The following ADAM19 variants were observed in gnomAD, a reference collection of about 807,000 sequenced individuals.
ADAM19 encodes ADAM metallopeptidase domain 19.
Under a neutral mutation model 114.7 loss-of-function variants are expected in ADAM19, and 65 were observed. The observed-to-expected ratio is 0.57, with a 90% CI of 0.46 to 0.70. The LOEUF (loss-of-function observed/expected upper bound fraction) is 0.70, where lower values mean the gene tolerates loss of function less well. Among genes scored for constraint, ADAM19 ranks in the 30% least tolerant of loss-of-function variants. ADAM19 has a pLI of 0.00. For synonymous variants in ADAM19, 466 were observed against 460.5 expected (o/e 1.01, Z -0.15); for missense variants, 1,063 against 1,204.7 (o/e 0.88, Z 1.74).
intron 12 of ADAM19, among the ~76,000 whole-genome samples, chr5:157,501,758 G>C (rs1371449994): frequency 4.6e-5 from 7 of 151,704 alleles, no homozygotes; most frequent in African/African-American, 1.4e-4. Flanking sequence ...TCACATCACA[G>C]AGGTCACAGG....
chr5:157,520,310 ATCGTGAGAC>A (rs1340549336), intron 5 of ADAM19, among the ~76,000 whole-genome samples: 1 of 126,312 alleles, frequency 7.9e-6, no homozygotes, highest in Non-Finnish European at 1.6e-5. Flanking sequence ...CACCAAGCTC[ATCGTGAGAC>A]TCCAGGTTAA....
chr5:157,575,644 T>A lies in ADAM19; in HGVS notation c.53A>T (p.Gln18Leu). 1 of 1,427,668 alleles carries A rather than the reference T, an allele frequency of 7.0e-7. No individual in the cohort carries two copies. The allele number at this position is 1,427,668 out of a possible 1,614,324, so 88.4% of individuals were successfully genotyped here. A position where few individuals can be genotyped will look rare whatever the true frequency, so the allele number is the denominator to read the frequency against. Residue 18 changes from glutamine (Q) to leucine (L), a missense_variant, in exon 1 of 23, where the codon CAG becomes CTG. Physicochemically the swap from Gln to Leu is moderately radical, Grantham distance 113 (BLOSUM62 -2). Transcript: ENST00000257527. ...ARLCLLAFAL[Q>L]PLRPRAAREP... ...CCGCGCCGCCCGCGGCCGGAGGGGC[T>A]GCAGGGCAAACGCCAGCAAGCAGAG...
intron 2 of ADAM19, among the ~76,000 whole-genome samples, chr5:157,565,141 G>T (rs1757622850): frequency 6.6e-6 from 1 of 152,154 alleles, no homozygotes; most frequent in African/African-American, 2.4e-5. Context: ...GTGGCCACAG[G>T]TGCTACATAT....
rs749665054 is a variant in ADAM19 at position 157,502,803 on chromosome 5, CTCT to C, written c.1305_1307del (p.Glu437del). On this transcript the variant is annotated inframe_deletion and splice_region_variant, in exon 12 of 23. Coordinates refer to ENST00000257527, the MANE Select transcript of ADAM19 (RefSeq NM_033274.5). ...CACTAGCACCATTGTGACCCCTCAC[CTCT>C]TCTTCTCCACAGTCACACTCTTCCC... 1.9e-6 allele frequency: 3 copies of C among 1,613,688 alleles called. No homozygotes were observed. The highest frequency in any genetic ancestry group is 1.7e-6 in the Non-Finnish European group (2 of 1,179,692).
rs1755727472 is a variant in ADAM19 at position 157,505,874 on chromosome 5, C to T, written c.991-66G>A. On this transcript the variant is annotated intron_variant, in intron 10 of 22. Transcript: ENST00000257527. ...GATCTGCCTCTGCCCCCCATCCCTG[C>T]CTTATCCTTAGCCAAGTCTTGCAGG... 3.2e-6 allele frequency: 5 copies of T among 1,545,096 alleles called. No individual in the cohort carries two copies. The South Asian group carries it at 6.0e-5, about 19-fold the overall frequency.
intron 3 of ADAM19, among the ~76,000 whole-genome samples, chr5:157,543,814 C>G (rs534836352): frequency 6.6e-5 from 10 of 152,070 alleles, no homozygotes; most frequent in Admixed American, 6.5e-4. Context: ...CCAGGACAGA[C>G]AGGTACTGGA....
In ADAM19 at chr5:157,498,402, G is replaced by A. The variant is rs562626020; in HGVS notation, c.1398+1171C>T. Among the ~76,000 whole-genome samples, 31 of 152,302 alleles carry A rather than the reference G, an allele frequency of 2.0e-4. 1 individual carries two copies. The East Asian group carries it at 5.4e-3, about 27-fold the overall frequency. On this transcript the variant is annotated intron_variant, in intron 13 of 22. Transcript: ENST00000257527. Reference sequence around the variant, plus strand: ...ACATCCCAGCTCCTTAACCGGCAGCGGGGCCTTGGGCACCTGCTGTGTAAC... The same window carrying A: ...ACATCCCAGCTCCTTAACCGGCAGCAGGGCCTTGGGCACCTGCTGTGTAAC...
intron 21 of ADAM19, among the ~76,000 whole-genome samples, chr5:157,487,831 C>G (rs1168677036): frequency 6.6e-6 from 1 of 152,060 alleles, no homozygotes; most frequent in Non-Finnish European, 1.5e-5. Context: ...CCATCAACCT[C>G]AGAATTGAGG....
chr5:157,481,464 G>A, intron 22 of ADAM19: 1 of 810,594 alleles, frequency 1.2e-6, no homozygotes, highest in Non-Finnish European at 1.9e-6. Context: ...AACCTGATGG[G>A]GCTGGTACTA....
At position 157,499,437 on chromosome 5, in the gene ADAM19, G is replaced by A. The variant is rs185885141; in HGVS notation, c.1398+136C>T. The stretch of plus-strand genomic sequence containing the variant: ...AAATTTTATTCAAGGCACCTTTTCC[G>A]CTCTGTGTTTCTGAAACTCTGTTGC... On this transcript the variant is annotated intron_variant, in intron 13 of 22. Transcript: ENST00000257527. 119 of 757,334 alleles carry A rather than the reference G, an allele frequency of 1.6e-4. 1 individual carries two copies. The highest frequency in any genetic ancestry group is 1.3e-3 in the African/African-American group (74 of 57,662). 46.9% of individuals were successfully genotyped at this position (757,334 alleles called of 1,614,324 possible). A position where few individuals can be genotyped will look rare whatever the true frequency, so the allele number is the denominator to read the frequency against.
rs2113679161 is a variant in ADAM19 at position 157,480,112 on chromosome 5, G to C, written c.*837C>G. ...GACTGCTGAGGGTTTGCTCACCAAA[G>C]CACCACACATTAGAGGGAGAATGAG... On this transcript the variant is annotated 3_prime_UTR_variant, in exon 23 of 23. Coordinates refer to ENST00000257527, the MANE Select transcript of ADAM19 (RefSeq NM_033274.5). 1 of 985,946 alleles carries C rather than the reference G, an allele frequency of 1.0e-6. No individual in the cohort carries two copies. Among genetic ancestry groups the C allele is most frequent in the South Asian group, 4.7e-5 (1 of 21,290 alleles). The allele number at this position is 985,946 out of a possible 1,614,324, so 61.1% of individuals were successfully genotyped here.
rs79025446 is a variant in ADAM19 at position 157,493,114 on chromosome 5, C to T, written c.1767G>A (p.Ala589=). Residue 589 remains alanine, a synonymous_variant, in exon 16 of 23, where the codon GCG becomes GCA. Transcript: ENST00000257527. ...TGATGATAGTGGTGTCAATGGGCAC[C>T]GCGTTGGACTCCAGGGGCCGGGCCT... ...SSEARPLESN[A]VPIDTTIIMN... The T allele has an allele frequency of 1.4e-5, 23 of 1,614,088 alleles. No homozygotes were observed. The highest frequency in any genetic ancestry group is 1.6e-4 in the Middle Eastern group (1 of 6,084).
At chr5:157,484,153 A>T (rs1254426245) in intron 21 of ADAM19, among the ~76,000 whole-genome samples, 1 of 152,036 alleles carries the variant, frequency 6.6e-6, no homozygotes, top group Non-Finnish European at 1.5e-5. Flanking sequence ...TTAAAATTAC[A>T]ACAGCCCCCA....
chr5:157,489,356 A>C (rs1287707879), intron 19 of ADAM19, among the ~76,000 whole-genome samples, 170 bp from the exon 20 acceptor site: 1 of 152,072 alleles, frequency 6.6e-6, no homozygotes, highest in Admixed American at 6.6e-5. Context: ...AAGTAGAAAA[A>C]CGTGTGGCCA....
At chr5:157,569,820 C>A (rs886467947) in intron 2 of ADAM19, among the ~76,000 whole-genome samples, 1 of 152,188 alleles carries the variant, frequency 6.6e-6, no homozygotes, top group Non-Finnish European at 1.5e-5. Context: ...CTCTCCCCAG[C>A]TTTCTTTTCT....
At chr5:157,542,259 GTTT>G (rs11327769) in intron 3 of ADAM19, among the ~76,000 whole-genome samples, 4 of 145,592 alleles carry the variant, frequency 2.7e-5, no homozygotes, top group Non-Finnish European at 6.0e-5. Flanking sequence ...ATTTTTAATA[GTTT>G]TTTTTTTTTC....
At chr5:157,520,513 C>G (rs983244230) in intron 5 of ADAM19, among the ~76,000 whole-genome samples, 2 of 152,208 alleles carry the variant, frequency 1.3e-5, no homozygotes, top group African/African-American at 2.4e-5. Flanking sequence ...AGAGAAAGAA[C>G]AGTGGCCTGC....
At chr5:157,571,116 T>TA (rs1237091236) in intron 1 of ADAM19, 136 bp from the exon 2 acceptor site, 1 of 660,018 alleles carries the variant, frequency 1.5e-6, no homozygotes, top group East Asian at 2.6e-5. Flanking sequence ...TGGCACTTCC[T>TA]AGGAACTAGG....
intron 8 of ADAM19, among the ~76,000 whole-genome samples, chr5:157,511,856 A>G (rs958240085): frequency 6.6e-6 from 1 of 152,218 alleles, no homozygotes; most frequent in East Asian, 1.9e-4. Context: ...CACAGGATGC[A>G]TGGGCCACCC....
Sources: gnomAD v4.1 joint callset for allele counts (sites outside exome capture counted in the v4.1 genomes callset) on GRCh38, gnomAD v4.1.1 for gene constraint, MANE v1.5 for transcripts, NCBI Gene and HGNC (gene_info 2026-07-23, HGNC 2026-07-21) for gene names.